Variants in SLC22A4 observed in about 807,000 individuals in gnomAD.
SLC22A4 encodes the protein ET transporter.
In SLC22A4, 39 loss-of-function variants were observed where a neutral mutation model predicts 56.6. The observed-to-expected ratio is 0.69, with a 90% CI of 0.53 to 0.90. The LOEUF (loss-of-function observed/expected upper bound fraction) is 0.90, where lower values mean the gene tolerates loss of function less well. SLC22A4 is among the 40% of genes least tolerant of loss of function. SLC22A4 has a pLI of 0.00. For synonymous variants in SLC22A4, 241 were observed against 281.4 expected (o/e 0.86, Z 1.44); for missense variants, 594 against 696.5 (o/e 0.85, Z 1.66).
chr5:132,335,689 T>C, intron 7 of SLC22A4, 129 bp from the exon 8 acceptor site: 1 of 799,278 alleles, frequency 1.3e-6, no homozygotes, highest in East Asian at 2.5e-5. Context: ...GAAGAGAAAA[T>C]GCTATTTTGG....
At chr5:132,310,791 T>A (rs1750160645) in intron 1 of SLC22A4, among the ~76,000 whole-genome samples, 1 of 152,174 alleles carries the variant, frequency 6.6e-6, no homozygotes, top group African/African-American at 2.4e-5. Flanking sequence ...CGGATCTCAG[T>A]ATTCAGAACA....
chr5:132,306,553 C>G (rs1008036176), intron 1 of SLC22A4, among the ~76,000 whole-genome samples: 2 of 149,998 alleles, frequency 1.3e-5, no homozygotes, highest in African/African-American at 4.9e-5. Flanking sequence ...TCAAGCAACT[C>G]TCCTGCCTCA....
At chr5:132,335,712 G>T in intron 7 of SLC22A4, 106 bp from the exon 8 acceptor site, 1 of 918,618 alleles carries the variant, frequency 1.1e-6, no homozygotes. Flanking sequence ...ATATATTTAT[G>T]TTAATAAAAG....
chr5:132,329,377 G>A (rs191928599), intron 5 of SLC22A4, among the ~76,000 whole-genome samples: 320 of 152,066 alleles, frequency 2.1e-3, no homozygotes, highest in Non-Finnish European at 3.2e-3. Flanking sequence ...TCTTTAGGAG[G>A]ATCTGCAGAG....
At chr5:132,322,069 T>G (rs897538636) in intron 3 of SLC22A4, 115 bp from the exon 4 acceptor site, 1 of 985,336 alleles carries the variant, frequency 1.0e-6, no homozygotes, top group African/African-American at 1.6e-5. Flanking sequence ...ATGAGGCAAA[T>G]GCCTTTCCCC....
chr5:132,323,452 C>T (rs573653892), intron 4 of SLC22A4, among the ~76,000 whole-genome samples: 1 of 152,296 alleles, frequency 6.6e-6, no homozygotes, highest in East Asian at 1.9e-4. Context: ...ATTCTCATGA[C>T]CTGTAAGAGT....
In SLC22A4 at chr5:132,294,482, C is replaced by A. The variant is rs1462158555; in HGVS notation, c.-135C>A. The A allele has an allele frequency of 7.8e-7, 1 of 1,274,212 alleles. No homozygotes were observed. The allele number at this position is 1,274,212 out of a possible 1,614,324, so 78.9% of individuals were successfully genotyped here. On this transcript the variant is annotated 5_prime_UTR_variant, in exon 1 of 10. Coordinates refer to ENST00000200652, the MANE Select transcript of SLC22A4 (RefSeq NM_003059.3). The surrounding 1 kb of genome is among the most constrained non-coding windows in gnomAD (Gnocchi z 5.6). The stretch of plus-strand genomic sequence containing the variant: ...TTCCCAGGAACGGTCCCCGGCTTCG[C>A]GCCCCAATTTCTAACAGCCTGCCTG...
intron 1 of SLC22A4, 72 bp downstream of exon 1, chr5:132,295,081 C>A: frequency 6.6e-7 from 1 of 1,505,818 alleles, no homozygotes; most frequent in Non-Finnish European, 9.1e-7. Flanking sequence ...CCTTGAGACT[C>A]CCTGCGCAGT....
At chr5:132,298,281 G>A (rs1294072950) in intron 1 of SLC22A4, among the ~76,000 whole-genome samples, 3 of 152,206 alleles carry the variant, frequency 2.0e-5, no homozygotes, top group East Asian at 3.8e-4. Context: ...TGGTATATGC[G>A]TACAATGGAC....
At chr5:132,338,251 A>C (rs1191394581) in intron 8 of SLC22A4, among the ~76,000 whole-genome samples, 1 of 152,172 alleles carries the variant, frequency 6.6e-6, no homozygotes, top group Non-Finnish European at 1.5e-5. Context: ...AAAACCAGCA[A>C]GTTTTTATTA....
At chr5:132,302,870 A>G (rs1368004162) in intron 1 of SLC22A4, among the ~76,000 whole-genome samples, 1 of 152,166 alleles carries the variant, frequency 6.6e-6, no homozygotes, top group Non-Finnish European at 1.5e-5. Flanking sequence ...TCCAATGATC[A>G]CAGAACTCAT....
intron 3 of SLC22A4, among the ~76,000 whole-genome samples, chr5:132,319,132 T>C (rs1750451098): frequency 1.3e-5 from 2 of 151,814 alleles, no homozygotes; most frequent in African/African-American, 2.4e-5. Flanking sequence ...CAAAACCCCG[T>C]CTCTACTAAA....
chr5:132,313,146 T>C (rs534520990), intron 2 of SLC22A4, among the ~76,000 whole-genome samples: 3 of 152,092 alleles, frequency 2.0e-5, no homozygotes, highest in African/African-American at 7.2e-5. Context: ...TCTTGGGAGG[T>C]GGGGTGCTGG....
intron 3 of SLC22A4, among the ~76,000 whole-genome samples, chr5:132,320,196 G>A (rs1750489838): frequency 6.6e-6 from 1 of 152,172 alleles, no homozygotes; most frequent in Non-Finnish European, 1.5e-5. Context: ...TGCTTAGAGA[G>A]GGAGATTATC....
rs938255394 is a variant in SLC22A4 at position 132,322,255 on chromosome 5, G to T, written c.724G>T (p.Gly242Cys). ...AGGAGTGTGCACATTTTTTGCAGTT[G>T]GCTATATGCTGCTGCCACTGTTTGC... ...TLGVCTFFAV[G>C]YMLLPLFAYF... The change falls in exon 4 of 10, where the codon GGC becomes TGC. Residue 242 changes from glycine to cysteine, a missense_variant. Transcript: ENST00000200652. 3 of 1,613,736 alleles carry T rather than the reference G, an allele frequency of 1.9e-6. No individual in the cohort carries two copies. The highest frequency in any genetic ancestry group is 1.7e-6 in the Non-Finnish European group (2 of 1,179,812).
At chr5:132,336,526 A>G (rs1290552633) in intron 8 of SLC22A4, among the ~76,000 whole-genome samples, 1 of 152,214 alleles carries the variant, frequency 6.6e-6, no homozygotes, top group Non-Finnish European at 1.5e-5. Flanking sequence ...CTCTGTCTCA[A>G]AAATAAATAA....
chr5:132,335,455 A>ATGTATTTCTATTATGTATTAACATAC, intron 7 of SLC22A4, among the ~76,000 whole-genome samples: 2 of 152,362 alleles, frequency 1.3e-5, no homozygotes, highest in South Asian at 4.1e-4. Context: ...CATATTTCTT[A>ATGTATTTCTATTATGTATTAACATAC]ATAATAAGAA....
At chr5:132,319,637 G>C (rs1240786382) in intron 3 of SLC22A4, among the ~76,000 whole-genome samples, 1 of 152,206 alleles carries the variant, frequency 6.6e-6, no homozygotes, top group Non-Finnish European at 1.5e-5. Context: ...TTGTTGCCCA[G>C]TCTGGAGTGC....
At chr5:132,324,787 C>T in intron 4 of SLC22A4, 1 of 341,630 alleles carries the variant, frequency 2.9e-6, no homozygotes, top group Non-Finnish European at 5.9e-6. Flanking sequence ...ATTCAATCTA[C>T]AGAGAGATTA....
Sources: allele counts gnomAD v4.1 joint callset (sites outside exome capture counted in the v4.1 genomes callset), GRCh38; gene constraint gnomAD v4.1.1; non-coding constraint Gnocchi (gnomAD v3.1); transcripts MANE v1.5; gene names NCBI Gene and HGNC (gene_info 2026-07-23, HGNC 2026-07-21).